ADAP1: variants seen among roughly 807,000 people sequenced by gnomAD.
ADAP1 encodes the protein arf-GAP with dual PH domain-containing protein 1.
In ADAP1, 31 loss-of-function variants were observed where a neutral mutation model predicts 54.9. The observed-to-expected ratio is 0.56, with a 90% CI of 0.42 to 0.76. The LOEUF is 0.76. Among genes scored for constraint, ADAP1 ranks in the 30% least tolerant of loss-of-function variants. The pLI, the probability that ADAP1 is intolerant of heterozygous loss-of-function variation, is 0.00. For synonymous variants in ADAP1, 313 were observed against 202.6 expected (o/e 1.55, Z -4.63); for missense variants, 535 against 512.4 (o/e 1.04, Z -0.42).
chr7:899,341 C>A, intron 9 of ADAP1, 78 bp downstream of exon 9: 1 of 1,603,872 alleles, frequency 6.2e-7, no homozygotes, highest in Non-Finnish European at 8.5e-7. Flanking sequence ...CGGGAGGCCA[C>A]CCGCCCTCCT....
At chr7:910,632 T>C (rs761308348) in intron 4 of ADAP1, among the ~76,000 whole-genome samples, 58 of 152,174 alleles carry the variant, frequency 3.8e-4, no homozygotes, top group Non-Finnish European at 6.6e-4. Context: ...ACACCTCACG[T>C]ATGTGATTTA....
At chr7:937,974 G>A (rs1353643975) in intron 1 of ADAP1, among the ~76,000 whole-genome samples, 1 of 152,178 alleles carries the variant, frequency 6.6e-6, no homozygotes, top group African/African-American at 2.4e-5. Context: ...GCCACTAACA[G>A]CCCTACTTCA....
chr7:904,325 G>C, intron 5 of ADAP1, 53 bp from the exon 6 acceptor site: 2 of 1,524,594 alleles, frequency 1.3e-6, no homozygotes, highest in African/African-American at 2.8e-5. Context: ...CCAAGCTCAA[G>C]GGAGCAGGAA....
At chr7:935,055 C>T in intron 2 of ADAP1, 1 of 503,196 alleles carries the variant, frequency 2.0e-6, no homozygotes, top group Admixed American at 2.4e-5. Context: ...GAGCCCAGTG[C>T]TCCAGGTGTG....
chr7:910,031 C>A (rs978679459), intron 4 of ADAP1, among the ~76,000 whole-genome samples: 4 of 152,084 alleles, frequency 2.6e-5, no homozygotes, highest in Non-Finnish European at 4.4e-5. Flanking sequence ...CGTTCAGCAT[C>A]GCCATGACCC....
At chr7:919,916 G>GAGATGGGGGAGGGAGGAAA in intron 4 of ADAP1, 52 bp downstream of exon 4, 1 of 1,377,710 alleles carries the variant, frequency 7.3e-7, no homozygotes, top group South Asian at 1.2e-5. Context: ...GAGGGAGGGA[G>GAGATGGGGGAGGGAGGAAA]AGAGCCAGGG....
At position 920,071 on chromosome 7, in the gene ADAP1, G is replaced by C. The variant is rs1207133914; in HGVS notation, c.306-21C>G. ...GGAGCCTGTGGGGAGAGGAGAGACTGAGCCACTGGGCCAAGGCGGCCTCCG... is the reference window on the plus strand; with the variant it reads ...GGAGCCTGTGGGGAGAGGAGAGACTCAGCCACTGGGCCAAGGCGGCCTCCG... On this transcript the variant is annotated intron_variant, in intron 3 of 10. Coordinates refer to ENST00000265846, the MANE Select transcript of ADAP1 (RefSeq NM_006869.4). This position sits in a 1 kb window ranked among gnomAD's most constrained non-coding sequence, Gnocchi z 4.5. 1 of 1,601,348 alleles carries C rather than the reference G, an allele frequency of 6.2e-7. No individual in the cohort carries two copies. Among genetic ancestry groups the C allele is most frequent in the Non-Finnish European group, 8.5e-7 (1 of 1,178,014 alleles).
In ADAP1 at chr7:905,389, AGGAGAAAGGAGAAAGGAGAAAG is replaced by A. The variant is rs1562911605; in HGVS notation, c.389-239_389-218del. ...GGGAAAGGGAAAGGAGAAAGGAGAA[AGGAGAAAGGAGAAAGGAGAAAG>A]GGAGAAAGAGAAAGGAGAAAGGAGA... On this transcript the variant is annotated intron_variant, in intron 4 of 10. Transcript: ENST00000265846. 2.9e-5 allele frequency: 8 copies of A among 273,006 alleles called. 2 individuals are homozygous for A. The highest frequency in any genetic ancestry group is 1.4e-4 in the East Asian group (2 of 13,902). 16.9% of individuals were successfully genotyped at this position (273,006 alleles called of 1,614,324 possible).
chr7:907,267 G>C (rs554035757), intron 4 of ADAP1, among the ~76,000 whole-genome samples: 1 of 152,156 alleles, frequency 6.6e-6, no homozygotes, highest in East Asian at 1.9e-4. Context: ...CACCGTGCAC[G>C]GGTGGTTAGG....
At chr7:931,589 G>A (rs1340352259) in intron 2 of ADAP1, among the ~76,000 whole-genome samples, 1 of 152,068 alleles carries the variant, frequency 6.6e-6, no homozygotes, top group African/African-American at 2.4e-5. Flanking sequence ...GAGCCAAAAG[G>A]CACGGACTTC....
At chr7:899,658 TCCTCCAG>T (rs1844686061) in intron 8 of ADAP1, among the ~76,000 whole-genome samples, 168 bp from the exon 9 acceptor site, 1 of 152,008 alleles carries the variant, frequency 6.6e-6, no homozygotes, top group South Asian at 2.1e-4. Context: ...CACACGCCTG[TCCTCCAG>T]CCTCCACACG....
chr7:927,356 C>A, intron 2 of ADAP1: 1 of 778,974 alleles, frequency 1.3e-6, no homozygotes, highest in Non-Finnish European at 1.9e-6. Context: ...CTGCCGCCAG[C>A]CAGGTATGGT....
chr7:943,468 A>C (rs1488290603), intron 1 of ADAP1, among the ~76,000 whole-genome samples: 1 of 1,126 alleles, frequency 8.9e-4, no homozygotes, highest in East Asian at 0.014. Context: ...AGGAAGGGAG[A>C]GAGGAGGAAG....
Position 946,369 on chromosome 7 carries a change from C to A in ADAP1, c.82+8027G>T, listed in dbSNP as rs575192983. Reference sequence around the variant, plus strand: ...GCCCCCACCCCCTCACGCTCACGGGCGGCCCTGGTCCCATTCCATTGTGAG... The same window carrying A: ...GCCCCCACCCCCTCACGCTCACGGGAGGCCCTGGTCCCATTCCATTGTGAG... On this transcript the variant is annotated intron_variant, in intron 1 of 10. Transcript: ENST00000265846. This position sits in a 1 kb window ranked among gnomAD's most constrained non-coding sequence, Gnocchi z 4.3. 1.3e-5 allele frequency among the ~76,000 whole-genome samples: 2 copies of A among 151,940 alleles called. No individual in the cohort carries two copies. The highest frequency in any genetic ancestry group is 4.8e-5 in the African/African-American group (2 of 41,344).
At position 926,203 on chromosome 7, in the gene ADAP1, GA is replaced by G. The variant is rs72296699; in HGVS notation, c.305+349del. Among the ~76,000 whole-genome samples, 59,013 of 151,722 alleles carry G rather than the reference GA, an allele frequency of 0.39. 11,735 individuals carry two copies. Among genetic ancestry groups the G allele is most frequent in the East Asian group, 0.55 (2,808 of 5,092 alleles). On this transcript the variant is annotated intron_variant, in intron 3 of 10. Coordinates refer to ENST00000265846, the MANE Select transcript of ADAP1 (RefSeq NM_006869.4). The surrounding 1 kb of genome is among the most constrained non-coding windows in gnomAD (Gnocchi z 4.6). ...GCCCTGAGGAGCCAGGGCAGGCCCC[GA>G]AACAACAGCCGCCCCTCCCGTTCCC...
chr7:909,358 CCGG>C (rs1845624443), intron 4 of ADAP1, among the ~76,000 whole-genome samples: 6 of 103,328 alleles, frequency 5.8e-5, no homozygotes, highest in African/African-American at 2.9e-4. Flanking sequence ...AGCGGGAACC[CCGG>C]TCCTCCCGAC....
chr7:912,857 T>A (rs1845780415), intron 4 of ADAP1, among the ~76,000 whole-genome samples: 1 of 151,976 alleles, frequency 6.6e-6, no homozygotes, highest in Admixed American at 6.6e-5. Flanking sequence ...CAGGCCTATT[T>A]ATTTATGTTT....
intron 3 of ADAP1, among the ~76,000 whole-genome samples, chr7:925,362 A>T (rs1375536571): frequency 2.2e-4 from 2 of 8,984 alleles, no homozygotes; most frequent in African/African-American, 6.7e-4. Context: ...CTCTATATTT[A>T]AAAAAAAAAA....
intron 1 of ADAP1, among the ~76,000 whole-genome samples, chr7:951,191 G>T (rs1847259662): frequency 6.6e-6 from 1 of 151,986 alleles, no homozygotes. Context: ...TGGCTAACAT[G>T]GTGAAACCCC....
Sources: gnomAD v4.1 joint callset for allele counts (sites outside exome capture counted in the v4.1 genomes callset) on GRCh38, gnomAD v4.1.1 for gene constraint, Gnocchi (gnomAD v3.1) non-coding constraint, MANE v1.5 for transcripts, NCBI Gene and HGNC (gene_info 2026-07-23, HGNC 2026-07-21) for gene names.